Variants in ZSCAN10 observed in about 807,000 individuals in gnomAD.
ZSCAN10 encodes the protein zinc finger and SCAN domain containing 10.
In ZSCAN10, 52 loss-of-function variants were observed where a neutral mutation model predicts 63.7. The observed-to-expected ratio is 0.82, with a 90% confidence interval of 0.65 to 1.03. The LOEUF (loss-of-function observed/expected upper bound fraction) is 1.03. ZSCAN10 is among the 50% of genes least tolerant of loss of function. ZSCAN10 has a pLI of 0.00. For missense variants in ZSCAN10, 1,223 were observed against 1,103.8 expected (o/e 1.11, Z -1.53); for synonymous variants, 544 against 479.6 (o/e 1.13, Z -1.76).
rs758666253 is a variant in ZSCAN10, at chr16:3,090,344, C to T, written c.1090G>A (p.Ala364Thr). Residue 364 changes from alanine to threonine, a missense_variant, in exon 6 of 6, where the codon GCG (alanine) becomes ACG (threonine). Ala to Thr is a moderately conservative substitution (Grantham distance 58). Coordinates refer to ENST00000576985, the MANE Select transcript of ZSCAN10 (RefSeq NM_032805.3). Reference sequence around the variant, plus strand: ...GCCGGGTGCGAGCGCAGCTGGTGCGCCTTCAGGCGAGACAGCTGCGGGAAG... The same window carrying T: ...GCCGGGTGCGAGCGCAGCTGGTGCGTCTTCAGGCGAGACAGCTGCGGGAAG... ...VSFPQLSRLK[A>T]HQLRSHPAGR... 9 of 1,611,348 alleles carry T rather than the reference C, an allele frequency of 5.6e-6. No individual in the cohort carries two copies. The African/African-American group carries it at 1.1e-4, about 19-fold the overall frequency.
At position 3,096,928 on chromosome 16, in the gene ZSCAN10, C is replaced by CAA. The variant is rs34786703; in HGVS notation, c.-68+2260_-68+2261dup. 1.8e-3 allele frequency among the ~76,000 whole-genome samples: 187 copies of CAA among 105,164 alleles called. 1 individual carries two copies. Among genetic ancestry groups the CAA allele is most frequent in the African/African-American group, 5.3e-3 (165 of 31,406 alleles). 69.0% of individuals were successfully genotyped at this position (105,164 alleles called of 152,430 possible). ...TGGGCGACAGAATTAGACTCTGCCT[C>CAA]AAAAAAAAAAAAAAAAAAATTATCC... On this transcript the variant is annotated intron_variant, in intron 1 of 5. Transcript: ENST00000576985.
chr16:3,095,201 C>G (rs1473512688), intron 1 of ZSCAN10, among the ~76,000 whole-genome samples: 1 of 150,698 alleles, frequency 6.6e-6, no homozygotes, highest in East Asian at 2.0e-4. Flanking sequence ...GGCAACATGG[C>G]ACGACCCCCG....
At chr16:3,090,957 C>G (rs999176216) in intron 5 of ZSCAN10, among the ~76,000 whole-genome samples, 13 of 151,756 alleles carry the variant, frequency 8.6e-5, no homozygotes, top group African/African-American at 3.1e-4. Flanking sequence ...GTGGTCCCAG[C>G]TACTCGGGAG....
rs1472012361 is a variant in ZSCAN10, at chr16:3,091,755, C to G, written c.729+9G>C. On this transcript the variant is annotated intron_variant, in intron 4 of 5. Coordinates refer to ENST00000576985, the MANE Select transcript of ZSCAN10 (RefSeq NM_032805.3). ...GCTTGAGGACACCCTGGGGTGCGGC[C>G]CAGCTCACCAGCACAGCCGCCAGCT... 1 of 1,573,328 alleles carries G rather than the reference C, an allele frequency of 6.4e-7. No homozygotes were observed. The highest frequency in any genetic ancestry group is 2.4e-5 in the East Asian group (1 of 42,292).
intron 1 of ZSCAN10, among the ~76,000 whole-genome samples, 199 bp downstream of exon 1, chr16:3,098,991 C>T (rs776855279): frequency 2.6e-5 from 4 of 152,208 alleles, no homozygotes; most frequent in Non-Finnish European, 5.9e-5. Flanking sequence ...CGATCTCCCT[C>T]GTCCCCAACG....
intron 1 of ZSCAN10, 80 bp from the exon 2 acceptor site, chr16:3,093,084 C>T: frequency 1.2e-5 from 13 of 1,082,396 alleles, no homozygotes; most frequent in Non-Finnish European, 1.6e-5. Flanking sequence ...TTAAAAGACA[C>T]CCAATACGCA....
chr16:3,089,705 G>A lies in ZSCAN10; in HGVS notation c.1729C>T (p.Pro577Ser), dbSNP rs746670450. 4 of 1,605,578 alleles carry A rather than the reference G, an allele frequency of 2.5e-6. No homozygotes were observed. Among genetic ancestry groups the A allele is most frequent in the Non-Finnish European group, 3.4e-6 (4 of 1,178,682 alleles). ...TTCCCGCACTGCGGACAGGCGTAGG[G>A]CTTCTCGCCCGTGTGCACCCGTTGG... Reference protein sequence around the residue: ...SHQRVHTGEKPYACPQCGKRF... With the variant: ...SHQRVHTGEKSYACPQCGKRF... Residue 577 changes from proline (P) to serine (S), a missense_variant, in exon 6 of 6, where the codon CCC becomes TCC. By Grantham distance (74) the Pro-to-Ser change is moderately conservative. Transcript: ENST00000576985.
Position 3,092,850 on chromosome 16 carries a change from C to A in ZSCAN10, c.88G>T (p.Asp30Tyr). The change falls in exon 2 of 6, where the codon GAC (aspartate) becomes TAC (tyrosine). Residue 30 changes from aspartate to tyrosine, a missense_variant. Asp to Tyr is a radical substitution (Grantham distance 160, BLOSUM62 -3). Transcript: ENST00000576985. ...LEEEEAVSPE[D>Y]PRRPESRLRP... is the part of the protein sequence containing the mutation. ...AGCCTGGACTCTGGTCGCCTGGGGT[C>A]CTCTGGGCTGACAGCCTCCTCCTCC... 6.8e-7 allele frequency: 1 copy of A among 1,465,056 alleles called. No homozygotes were observed. Among genetic ancestry groups the A allele is most frequent in the Admixed American group, 2.6e-5 (1 of 38,884 alleles). The allele number at this position is 1,465,056 out of a possible 1,614,324, so 90.8% of individuals were successfully genotyped here.
intron 1 of ZSCAN10, among the ~76,000 whole-genome samples, chr16:3,095,868 T>G (rs1210919520): frequency 6.6e-6 from 1 of 150,840 alleles, no homozygotes; most frequent in Non-Finnish European, 1.5e-5. Flanking sequence ...TGGTTGTGTA[T>G]ACCTGTGGTC....
chr16:3,092,055 C>T lies in ZSCAN10; in HGVS notation c.658G>A (p.Glu220Lys). 6.4e-7 allele frequency: 1 copy of T among 1,560,194 alleles called. No individual in the cohort carries two copies. Among genetic ancestry groups the T allele is most frequent in the Non-Finnish European group, 8.7e-7 (1 of 1,152,640 alleles). Residue 220 changes from glutamate (E) to lysine (K), a missense_variant, in exon 3 of 6, where the codon GAA becomes AAA. Coordinates refer to ENST00000576985, the MANE Select transcript of ZSCAN10 (RefSeq NM_032805.3). ...GPQKTFQALQ[E>K]SSPQGPSPWP... ...TAGGGCACAAGCTCCTCACTGCTTT[C>T]TTGCAGGGCCTGGAATGTCTTCTGG...
At chr16:3,097,471 G>A (rs1312300172) in intron 1 of ZSCAN10, among the ~76,000 whole-genome samples, 1 of 152,182 alleles carries the variant, frequency 6.6e-6, no homozygotes, top group Non-Finnish European at 1.5e-5. Context: ...GGGCTTCCTA[G>A]CGTTAACCCT....
chr16:3,092,534 C>A lies in ZSCAN10; in HGVS notation c.396+8G>T. On this transcript the variant is annotated splice_region_variant and intron_variant, in intron 2 of 5. Coordinates refer to ENST00000576985, the MANE Select transcript of ZSCAN10 (RefSeq NM_032805.3). The stretch of plus-strand genomic sequence containing the variant: ...CATGCTGCTCAGCCCGCTGCCCCAC[C>A]CTCTCACCAGCGGCCCCGCGTGGCT... 1 of 1,505,566 alleles carries A rather than the reference C, an allele frequency of 6.6e-7. No homozygotes were observed. Among genetic ancestry groups the A allele is most frequent in the South Asian group, 1.3e-5 (1 of 78,146 alleles). The allele number at this position is 1,505,566 out of a possible 1,614,324, so 93.3% of individuals were successfully genotyped here.
chr16:3,093,602 C>T lies in ZSCAN10; in HGVS notation c.-67-598G>A, dbSNP rs148395587. 2.3e-4 allele frequency among the ~76,000 whole-genome samples: 35 copies of T among 151,634 alleles called. No homozygotes were observed. The East Asian group carries it at 6.8e-3, about 29-fold the overall frequency. ...AAGAGAAACACCCTGCCCTTCCCTT[C>T]TTCCTGATGTAGCCACTGGGAGCAC... On this transcript the variant is annotated intron_variant, in intron 1 of 5. Coordinates refer to ENST00000576985, the MANE Select transcript of ZSCAN10 (RefSeq NM_032805.3).
Position 3,092,896 on chromosome 16 carries a change from C to A in ZSCAN10, c.42G>T (p.Gln14His). The change falls in exon 2 of 6, where the codon CAG (glutamine) becomes CAT (histidine). Residue 14 changes from glutamine (Q) to histidine (H), a missense_variant. Physicochemically the swap from Gln to His is conservative, Grantham distance 24. Coordinates refer to ENST00000576985, the MANE Select transcript of ZSCAN10 (RefSeq NM_032805.3). ...CCTCCTCCAGCTTGACTTCCCCCAG[C>A]TGCTCCTGCTCCACGGCAGCTGGGA... ...ESVPAAVEQE[Q>H]LGEVKLEEEE... The A allele has an allele frequency of 1.1e-5, 16 of 1,440,410 alleles. No individual in the cohort carries two copies. The highest frequency in any genetic ancestry group is 1.5e-5 in the Non-Finnish European group (16 of 1,095,778). The allele number at this position is 1,440,410 out of a possible 1,614,324, so 89.2% of individuals were successfully genotyped here.
At chr16:3,091,877 T>C in intron 3 of ZSCAN10, 49 bp from the exon 4 acceptor site, 1 of 1,585,972 alleles carries the variant, frequency 6.3e-7, no homozygotes, top group Non-Finnish European at 8.6e-7. Context: ...AAGGCAGCCC[T>C]GCCTGCCATA....
rs767414189 is a variant in ZSCAN10, at chr16:3,089,353, G to A, written c.2081C>T (p.Thr694Met). ...HTGERPYSCQTCGRSFRRNAH... is the reference protein window; with the variant it reads ...HTGERPYSCQMCGRSFRRNAH... ...GTTGCGCCGGAAGCTGCGACCGCAC[G>A]TCTGACAGCTGTAGGGCCGCTCGCC... The change falls in exon 6 of 6, where the codon ACG becomes ATG. Residue 694 changes from threonine to methionine, a missense_variant. Coordinates refer to ENST00000576985, the MANE Select transcript of ZSCAN10 (RefSeq NM_032805.3). 1.9e-6 allele frequency: 3 copies of A among 1,595,974 alleles called. No homozygotes were observed. The highest frequency in any genetic ancestry group is 2.6e-6 in the Non-Finnish European group (3 of 1,176,200).
Position 3,092,979 on chromosome 16 carries a change from T to C in ZSCAN10, c.-42A>G, listed in dbSNP as rs900553428. Reference sequence around the variant, plus strand: ...GCCTCCCTAACGCCAGCCCCGCTCTTGGGTCTCTCTCCTCTCCTCCCACAC... The same window carrying C: ...GCCTCCCTAACGCCAGCCCCGCTCTCGGGTCTCTCTCCTCTCCTCCCACAC... On this transcript the variant is annotated 5_prime_UTR_variant, in exon 2 of 6. Transcript: ENST00000576985. 1 of 1,398,218 alleles carries C rather than the reference T, an allele frequency of 7.2e-7. No homozygotes were observed. The highest frequency in any genetic ancestry group is 1.5e-5 in the African/African-American group (1 of 68,354). The allele number at this position is 1,398,218 out of a possible 1,614,324, so 86.6% of individuals were successfully genotyped here.
In ZSCAN10 at chr16:3,099,271, T is replaced by G. The variant is rs1309154926; in HGVS notation, c.-149A>C. On this transcript the variant is annotated 5_prime_UTR_variant, in exon 1 of 6. Transcript: ENST00000576985. ...GGGCCAAAGCCAGCCTCCGCCAGCC[T>G]GGGGAAGGGCTCTGGGAAAATGGAA... 1 of 152,484 alleles carries G rather than the reference T, an allele frequency of 6.6e-6. No individual in the cohort carries two copies. The highest frequency in any genetic ancestry group is 1.9e-4 in the East Asian group (1 of 5,202). The allele number at this position is 152,484 out of a possible 1,614,324, so 9.4% of individuals were successfully genotyped here. A position where few individuals can be genotyped will look rare whatever the true frequency, so the allele number is the denominator to read the frequency against.
At chr16:3,092,355 G>A (rs1957094283) in intron 2 of ZSCAN10, 39 bp from the exon 3 acceptor site, 1 of 1,560,926 alleles carries the variant, frequency 6.4e-7, no homozygotes, top group African/African-American at 1.4e-5. Flanking sequence ...CTCCCGGGGT[G>A]GCAACCTGTG....
Sources: allele counts gnomAD v4.1 joint callset (sites outside exome capture counted in the v4.1 genomes callset), GRCh38; gene constraint gnomAD v4.1.1; transcripts MANE v1.5; gene names NCBI Gene and HGNC (gene_info 2026-07-23, HGNC 2026-07-21).